FOXP1: variants seen among roughly 807,000 people sequenced by gnomAD.
FOXP1 encodes the protein forkhead box P1.
FOXP1 carries 15 observed loss-of-function variants against 98.2 expected under a neutral mutation model. The observed-to-expected ratio is 0.15, with a 90% CI of 0.10 to 0.24. The LOEUF (loss-of-function observed/expected upper bound fraction) is 0.24. Ranked by LOEUF, FOXP1 falls within the 10% of genes least tolerant of loss-of-function variation. The pLI is 1.00. For synonymous variants in FOXP1, 371 were observed against 314.5 expected (o/e 1.18, Z -1.90); for missense variants, 633 against 848.5 (o/e 0.75, Z 3.15).
intron 8 of FOXP1, among the ~76,000 whole-genome samples, chr3:71,053,220 CTTCT>C (rs982938267): frequency 5.9e-5 from 9 of 152,208 alleles, no homozygotes; most frequent in African/African-American, 1.9e-4. Context: ...TTCTAGAATG[CTTCT>C]TTATGTTTAA....
intron 3 of FOXP1, among the ~76,000 whole-genome samples, chr3:71,364,486 T>C (rs2078780328): frequency 1.3e-5 from 2 of 152,240 alleles, no homozygotes; most frequent in Non-Finnish European, 2.9e-5. Flanking sequence ...CCACAGAATA[T>C]TGATCCAGTT....
intron 1 of FOXP1, 144 bp downstream of exon 1, chr3:71,583,427 T>TG: frequency 6.9e-6 from 5 of 729,786 alleles, no homozygotes; most frequent in Non-Finnish European, 8.3e-6. Flanking sequence ...AAAGTAGTTG[T>TG]TTTTTTTTTT....
At chr3:71,110,030 T>G (rs1042947674) in intron 7 of FOXP1, among the ~76,000 whole-genome samples, 5 of 152,112 alleles carry the variant, frequency 3.3e-5, no homozygotes, top group African/African-American at 1.2e-4. Flanking sequence ...TTATACAGAC[T>G]GAAGTGCTCA....
At chr3:71,287,747 TCC>T (rs1212261420) in intron 5 of FOXP1, among the ~76,000 whole-genome samples, 1 of 151,774 alleles carries the variant, frequency 6.6e-6, no homozygotes, top group Non-Finnish European at 1.5e-5. Context: ...GCCACTGCAT[TCC>T]AGCCTGGGTG....
intron 6 of FOXP1, among the ~76,000 whole-genome samples, chr3:71,195,800 C>G (rs1189708532): frequency 6.6e-6 from 1 of 152,164 alleles, no homozygotes; most frequent in Admixed American, 6.5e-5. Flanking sequence ...CAAGTAAAAA[C>G]CTGTAGAATA....
intron 7 of FOXP1, among the ~76,000 whole-genome samples, chr3:71,056,093 TGCTC>T (rs1226439396): frequency 6.6e-6 from 1 of 152,194 alleles, no homozygotes; most frequent in Admixed American, 6.5e-5. Context: ...AGTGAGGTGG[TGCTC>T]ACACACGTGT....
At chr3:71,278,033 C>T (rs2071097456) in intron 5 of FOXP1, among the ~76,000 whole-genome samples, 1 of 152,066 alleles carries the variant, frequency 6.6e-6, no homozygotes. Flanking sequence ...TTGCCTACTT[C>T]AAGTCCTGGC....
Position 71,499,145 on chromosome 3 carries a change from G to A in FOXP1, c.-297-5590C>T, listed in dbSNP as rs1188030435. Among the ~76,000 whole-genome samples, 10 of 152,288 alleles carry A rather than the reference G, an allele frequency of 6.6e-5. No homozygotes were observed. In the South Asian group the frequency reaches 1.7e-3, roughly 25 times the overall value. On this transcript the variant is annotated intron_variant, in intron 2 of 20. Coordinates refer to ENST00000649528, the MANE Select transcript of FOXP1 (RefSeq NM_001349338.3). Reference sequence around the variant, plus strand: ...CCAATGGGAGCTCTCATCTCAGGACGCCACAGAAGATGGGGTATTCATTTC... The same window carrying A: ...CCAATGGGAGCTCTCATCTCAGGACACCACAGAAGATGGGGTATTCATTTC...
chr3:71,409,088 C>T (rs926434951), intron 3 of FOXP1, among the ~76,000 whole-genome samples: 2 of 152,198 alleles, frequency 1.3e-5, no homozygotes, highest in Non-Finnish European at 2.9e-5. Flanking sequence ...CAGGCTCTCA[C>T]TGCAGGGCCT....
intron 6 of FOXP1, among the ~76,000 whole-genome samples, chr3:71,179,877 T>C (rs999712229): frequency 2.0e-5 from 3 of 152,216 alleles, no homozygotes; most frequent in South Asian, 2.1e-4. Context: ...AATTGTGCCG[T>C]TGAAAATTCA....
intron 2 of FOXP1, among the ~76,000 whole-genome samples, chr3:71,496,123 C>G (rs750681374): frequency 6.6e-6 from 1 of 152,190 alleles, no homozygotes; most frequent in Non-Finnish European, 1.5e-5. Flanking sequence ...TGGCAGCTAA[C>G]TTTTTAAATA....
chr3:71,066,784 GCATC>G (rs141057408), intron 7 of FOXP1, among the ~76,000 whole-genome samples: 3,524 of 152,242 alleles, frequency 0.023, 146 homozygotes, highest in African/African-American at 0.081. Flanking sequence ...TCTTCATGAG[GCATC>G]CATAAAACTC....
intron 6 of FOXP1, among the ~76,000 whole-genome samples, chr3:71,121,833 T>C (rs1369341492): frequency 6.6e-6 from 1 of 152,202 alleles, no homozygotes; most frequent in Non-Finnish European, 1.5e-5. Flanking sequence ...TAGATTGTGT[T>C]TAAAAATAAA....
intron 4 of FOXP1, among the ~76,000 whole-genome samples, chr3:71,358,290 A>G (rs2078305412): frequency 6.6e-6 from 1 of 152,078 alleles, no homozygotes; most frequent in Non-Finnish European, 1.5e-5. Context: ...CATATTTGAT[A>G]CTAAAAAGAA....
chr3:71,123,073 C>A (rs1187676252), intron 6 of FOXP1, among the ~76,000 whole-genome samples: 1 of 152,122 alleles, frequency 6.6e-6, no homozygotes, highest in South Asian at 2.1e-4. Context: ...ACTCTGTGAG[C>A]CATAACCATA....
At chr3:71,232,831 G>A (rs1161843884) in intron 5 of FOXP1, among the ~76,000 whole-genome samples, 1 of 128,400 alleles carries the variant, frequency 7.8e-6, no homozygotes, top group Non-Finnish European at 1.6e-5. Context: ...CCTGGCAATG[G>A]AAGTTATAAC....
intron 17 of FOXP1, among the ~76,000 whole-genome samples, chr3:70,976,699 A>G (rs1240202633): frequency 6.6e-6 from 1 of 152,188 alleles, no homozygotes; most frequent in Non-Finnish European, 1.5e-5. Context: ...CCAACCAGAG[A>G]GAGATCACTT....
At chr3:71,180,800 T>A (rs1338576913) in intron 6 of FOXP1, among the ~76,000 whole-genome samples, 3 of 152,158 alleles carry the variant, frequency 2.0e-5, no homozygotes, top group African/African-American at 7.2e-5. Flanking sequence ...CCCAAAGATT[T>A]TATCTGAAAT....
chr3:71,167,189 C>G (rs544652572), intron 6 of FOXP1, among the ~76,000 whole-genome samples: 5 of 152,230 alleles, frequency 3.3e-5, no homozygotes, highest in African/African-American at 1.2e-4. Flanking sequence ...GACAGTACAG[C>G]AGAGCCTGGA....
Sources: gnomAD v4.1 joint callset for allele counts (sites outside exome capture counted in the v4.1 genomes callset) on GRCh38, gnomAD v4.1.1 for gene constraint, MANE v1.5 for transcripts, NCBI Gene and HGNC (gene_info 2026-07-23, HGNC 2026-07-21) for gene names.